Variants in RYR2 observed in about 807,000 individuals in gnomAD.
RYR2 encodes ryanodine receptor 2.
In RYR2, 227 loss-of-function variants were observed where a neutral mutation model predicts 601.1. That is an observed-to-expected ratio of 0.38 (90% confidence interval 0.34 to 0.42). RYR2 has a LOEUF of 0.42. Among genes scored for constraint, RYR2 ranks in the 10% least tolerant of loss-of-function variants. The pLI is 1.00. For missense variants in RYR2, 4,646 were observed against 6,156.5 expected, an observed-to-expected ratio of 0.75 and a Z score of 8.21; for synonymous variants, 2,223 against 2,175.1, an observed-to-expected ratio of 1.02 and a Z score of -0.61.
chr1:237,820,515 G>T (rs1662359423), intron 101 of RYR2, among the ~76,000 whole-genome samples: 1 of 152,144 alleles, frequency 6.6e-6, no homozygotes, highest in Admixed American at 6.5e-5. Context: ...TTTTCCCATG[G>T]TCTTCGCAAC....
rs1024901 is a variant in RYR2 at position 237,332,439 on chromosome 1, A to T, written c.273+1457A>T. On this transcript the variant is annotated intron_variant, in intron 3 of 104. Transcript: ENST00000366574. ...AAGTTTGAAATTATTAAAATATATAAAGTTTCTTTTAAAAATTTCTATTCT... is the reference window on the plus strand; with the variant it reads ...AAGTTTGAAATTATTAAAATATATATAGTTTCTTTTAAAAATTTCTATTCT... Among the ~76,000 whole-genome samples the T allele has an allele frequency of 9.6e-3, 1,455 of 152,232 alleles. 28 individuals carry two copies. Among genetic ancestry groups the T allele is most frequent in the African/African-American group, 0.033 (1,389 of 41,562 alleles).
At chr1:237,069,727 G>T (rs1664074486) in intron 1 of RYR2, among the ~76,000 whole-genome samples, 1 of 152,166 alleles carries the variant, frequency 6.6e-6, no homozygotes, top group Non-Finnish European at 1.5e-5. Flanking sequence ...AAGAGTTTAG[G>T]CTTCTTAAAT....
chr1:237,202,838 T>A (rs928115430), intron 1 of RYR2, among the ~76,000 whole-genome samples: 2 of 152,146 alleles, frequency 1.3e-5, no homozygotes, highest in Non-Finnish European at 2.9e-5. Context: ...CTCTTTGCTG[T>A]GTGGTGGAAG....
Position 237,707,148 on chromosome 1 carries a change from G to T in RYR2, c.9780G>T (p.Arg3260=). 3.7e-6 allele frequency: 6 copies of T among 1,613,720 alleles called. No homozygotes were observed. The highest frequency in any genetic ancestry group is 5.1e-6 in the Non-Finnish European group (6 of 1,179,784). Residue 3260 remains arginine (R), a synonymous_variant, in exon 68 of 105, where the codon CGG becomes CGT. Transcript: ENST00000366574. The stretch of plus-strand genomic sequence containing the variant: ...ATGGACCTGAGAACAATCCAGAACG[G>T]GCCGAGATGTGCTGCACAGCCCTGA... The part of the protein sequence containing the change: ...WEHGPENNPE[R]AEMCCTALNS...
intron 2 of RYR2, among the ~76,000 whole-genome samples, chr1:237,276,166 C>T (rs1690266965): frequency 6.6e-6 from 1 of 152,160 alleles, no homozygotes; most frequent in Non-Finnish European, 1.5e-5. Flanking sequence ...GTAGCACGAA[C>T]TCGGCTAACT....
In RYR2 at chr1:237,106,903, T is replaced by C. The variant is rs1023178142; in HGVS notation, c.48+64334T>C. ...AAAGGAGCTCTCTGAAGTCCCTTTG[T>C]AAAGGGCAGTAATCACCTCCCAAGG... On this transcript the variant is annotated intron_variant, in intron 1 of 104. Coordinates refer to ENST00000366574, the MANE Select transcript of RYR2 (RefSeq NM_001035.3). This position sits in a 1 kb window ranked among gnomAD's most constrained non-coding sequence, Gnocchi z 4.4. 6.6e-6 allele frequency among the ~76,000 whole-genome samples: 1 copy of C among 152,154 alleles called. No homozygotes were observed. The highest frequency in any genetic ancestry group is 1.5e-5 in the Non-Finnish European group (1 of 68,032).
chr1:237,245,969 A>G (rs1686774157), intron 1 of RYR2, among the ~76,000 whole-genome samples: 1 of 152,026 alleles, frequency 6.6e-6, no homozygotes, highest in African/African-American at 2.4e-5. Context: ...TTTAGTAGAA[A>G]TGGGGTTTCC....
At chr1:237,310,895 CTAAG>C (rs1424459172) in intron 2 of RYR2, among the ~76,000 whole-genome samples, 1 of 152,126 alleles carries the variant, frequency 6.6e-6, no homozygotes, top group Non-Finnish European at 1.5e-5. Context: ...AATTTGTTGT[CTAAG>C]TAACACAAGA....
intron 10 of RYR2, among the ~76,000 whole-genome samples, chr1:237,411,290 A>T (rs1047191895): frequency 1.4e-4 from 21 of 152,200 alleles, no homozygotes; most frequent in East Asian, 5.8e-4. Context: ...TTATTTTTTT[A>T]AAAAAAGAAT....
chr1:237,165,788 G>A (rs2148882484), intron 1 of RYR2, among the ~76,000 whole-genome samples: 1 of 152,154 alleles, frequency 6.6e-6, no homozygotes, highest in South Asian at 2.1e-4. Flanking sequence ...GATCACTTGA[G>A]CCCAGGAGTT....
At chr1:237,267,102 A>T (rs980477189) in intron 1 of RYR2, among the ~76,000 whole-genome samples, 5 of 152,304 alleles carry the variant, frequency 3.3e-5, no homozygotes, top group Middle Eastern at 3.4e-3. Flanking sequence ...TCACATACTG[A>T]TGGGCATCTC....
chr1:237,365,471 C>G (rs535036881), intron 5 of RYR2, among the ~76,000 whole-genome samples: 1 of 152,094 alleles, frequency 6.6e-6, no homozygotes. Flanking sequence ...TCAACCAGGA[C>G]GTGGAACATC....
intron 11 of RYR2, among the ~76,000 whole-genome samples, chr1:237,421,182 T>A (rs1282156875): frequency 6.6e-6 from 1 of 152,198 alleles, no homozygotes; most frequent in Non-Finnish European, 1.5e-5. Context: ...GAGTTTACAG[T>A]GAGCCAAGAT....
chr1:237,740,645 A>C (rs1289710044), intron 79 of RYR2, among the ~76,000 whole-genome samples: 2 of 152,144 alleles, frequency 1.3e-5, no homozygotes, highest in Non-Finnish European at 2.9e-5. Context: ...AAGGTCATGA[A>C]ATTTTTATAG....
intron 1 of RYR2, among the ~76,000 whole-genome samples, chr1:237,185,886 G>C (rs1679288228): frequency 6.6e-6 from 1 of 152,166 alleles, no homozygotes; most frequent in African/African-American, 2.4e-5. Context: ...CAGCAACATA[G>C]CTCCTGGACA....
At chr1:237,573,945 C>T (rs1184507402) in intron 29 of RYR2, among the ~76,000 whole-genome samples, 3 of 152,144 alleles carry the variant, frequency 2.0e-5, no homozygotes, top group Admixed American at 6.5e-5. Context: ...GACAGAAACA[C>T]TGGTCTCTGG....
intron 1 of RYR2, among the ~76,000 whole-genome samples, chr1:237,256,153 A>C (rs1558507102): frequency 6.6e-6 from 1 of 152,066 alleles, no homozygotes; most frequent in African/African-American, 2.4e-5. Flanking sequence ...TAGTGAATAA[A>C]TCTCATGAAA....
At chr1:237,324,591 A>T (rs1178336416) in intron 2 of RYR2, among the ~76,000 whole-genome samples, 1 of 152,248 alleles carries the variant, frequency 6.6e-6, no homozygotes, top group East Asian at 1.9e-4. Flanking sequence ...AGATAAAATT[A>T]TAACTTATTG....
intron 24 of RYR2, among the ~76,000 whole-genome samples, chr1:237,518,841 T>C (rs1666817131): frequency 6.6e-6 from 1 of 152,214 alleles, no homozygotes; most frequent in African/African-American, 2.4e-5. Flanking sequence ...TCTATACTAT[T>C]TTTTCATAGA....
Sources: allele counts gnomAD v4.1 joint callset (sites outside exome capture counted in the v4.1 genomes callset), GRCh38; gene constraint gnomAD v4.1.1; non-coding constraint Gnocchi (gnomAD v3.1); transcripts MANE v1.5; gene names NCBI Gene and HGNC (gene_info 2026-07-23, HGNC 2026-07-21).